The following PRH1 variants were observed in gnomAD, a reference collection of about 807,000 sequenced individuals.
The protein encoded by PRH1 is proline rich protein HaeIII subfamily 1, also known as salivary acidic proline-rich phosphoprotein 1/2.
Under a neutral mutation model 7.9 loss-of-function variants are expected in PRH1, and 7 were observed. The observed-to-expected ratio is 0.89, with a 90% confidence interval of 0.50 to 1.67. PRH1 has a LOEUF of 1.67. Ranked by LOEUF, PRH1 falls within the 40% of genes most tolerant of loss-of-function variation. The pLI is 0.00. For synonymous variants in PRH1, 45 were observed against 80.8 expected, an observed-to-expected ratio of 0.56 and a Z score of 2.38; for missense variants, 109 against 223.6, an observed-to-expected ratio of 0.49 and a Z score of 3.27.
At chr12:10,972,928 A>ACCCCCCCCCCCCCCCCCCCCCCCCC (rs199859766) in intron 2 of PRH1, among the ~76,000 whole-genome samples, 5 of 100,396 alleles carry the variant, frequency 5.0e-5, no homozygotes, top group South Asian at 3.3e-4. Context: ...AAGCACCACA[A>ACCCCCCCCCCCCCCCCCCCCCCCCC]CCCACCCCCC....
At chr12:10,903,019 T>C (rs1422347890) in intron 2 of PRH1, among the ~76,000 whole-genome samples, 1 of 152,112 alleles carries the variant, frequency 6.6e-6, no homozygotes, top group East Asian at 1.9e-4. Flanking sequence ...ATATTAGCCT[T>C]GAATGTAAAT....
intron 1 of PRH1, among the ~76,000 whole-genome samples, chr12:11,014,271 C>T (rs915555041): frequency 3.3e-5 from 5 of 151,738 alleles, no homozygotes; most frequent in African/African-American, 1.2e-4. Context: ...AGTTTAGAGA[C>T]AAAAGAGAAC....
chr12:11,060,324 C>A (rs1943535351), intron 1 of PRH1, among the ~76,000 whole-genome samples: 2 of 151,706 alleles, frequency 1.3e-5, no homozygotes, highest in African/African-American at 4.8e-5. Context: ...TTAACATTTA[C>A]AAAAATTTCA....
chr12:10,936,013 G>A (rs1489341456), intron 2 of PRH1, among the ~76,000 whole-genome samples: 1 of 152,098 alleles, frequency 6.6e-6, no homozygotes, highest in African/African-American at 2.4e-5. Flanking sequence ...TGAAAATGGG[G>A]TAATGGAGTA....
chr12:10,908,947 C>T, intron 2 of PRH1: 1 of 1,613,386 alleles, frequency 6.2e-7, no homozygotes, highest in African/African-American at 1.3e-5. Context: ...TAGAGAAAAG[C>T]AGGGCTAGAG....
rs560808700 is a variant in PRH1 at position 11,163,095 on chromosome 12, G to A, written n.39+8327C>T. On this transcript the variant is annotated intron_variant and non_coding_transcript_variant, in intron 1 of 1. Transcript: ENST00000541175. ...AAAGCTGACTTTAAAAAATGGTTACGTATAGTGTTCACTTCAGCAGCACAT... is the reference window on the plus strand; with the variant it reads ...AAAGCTGACTTTAAAAAATGGTTACATATAGTGTTCACTTCAGCAGCACAT... Among the ~76,000 whole-genome samples, 11 of 152,188 alleles carry A rather than the reference G, an allele frequency of 7.2e-5. No individual in the cohort carries two copies. In the South Asian group the frequency reaches 1.9e-3, roughly 26 times the overall value.
intron 2 of PRH1, among the ~76,000 whole-genome samples, chr12:10,898,913 G>A (rs1342509596): frequency 1.3e-5 from 2 of 152,218 alleles, no homozygotes; most frequent in African/African-American, 4.8e-5. Flanking sequence ...GCGGAGATGA[G>A]AGAGTGAGAC....
chr12:11,142,422 T>C (rs1946726338), intron 1 of PRH1, among the ~76,000 whole-genome samples: 1 of 152,166 alleles, frequency 6.6e-6, no homozygotes, highest in Admixed American at 6.5e-5. Flanking sequence ...TTTGGAGGAT[T>C]ATACTTTCTG....
chr12:11,130,033 C>T (rs918133963), intron 1 of PRH1, among the ~76,000 whole-genome samples: 2 of 152,152 alleles, frequency 1.3e-5, no homozygotes, highest in African/African-American at 4.8e-5. Context: ...CCCCTGCAGT[C>T]CCAGCTGCCA....
chr12:10,922,018 T>C (rs1950052352), intron 2 of PRH1, among the ~76,000 whole-genome samples: 1 of 152,106 alleles, frequency 6.6e-6, no homozygotes, highest in South Asian at 2.1e-4. Context: ...CATCCACCTG[T>C]CTTGACCTCC....
At chr12:10,915,354 T>C (rs1358151908) in intron 2 of PRH1, among the ~76,000 whole-genome samples, 1 of 152,152 alleles carries the variant, frequency 6.6e-6, no homozygotes, top group Non-Finnish European at 1.5e-5. Context: ...TATCTGATAT[T>C]AAATCCAGAG....
chr12:10,888,353 T>C (rs961128386), upstream of PRH1, among the ~76,000 whole-genome samples: 1 of 152,232 alleles, frequency 6.6e-6, no homozygotes, highest in Non-Finnish European at 1.5e-5. Context: ...TTAATCTTCA[T>C]AGAACACACA....
intron 2 of PRH1, chr12:10,939,097 C>A: frequency 1.2e-6 from 2 of 1,613,900 alleles, no homozygotes; most frequent in Non-Finnish European, 1.7e-6. Context: ...TCTTTCTTCC[C>A]TTGACCCAGT....
chr12:10,928,484 G>A (rs1950154388), intron 2 of PRH1, among the ~76,000 whole-genome samples: 1 of 152,142 alleles, frequency 6.6e-6, no homozygotes, highest in African/African-American at 2.4e-5. Context: ...GTTTGTTTAG[G>A]TCTAGAAATT....
At chr12:11,058,704 C>T (rs1403169826) in intron 1 of PRH1, among the ~76,000 whole-genome samples, 1 of 54,218 alleles carries the variant, frequency 1.8e-5, no homozygotes, top group Non-Finnish European at 5.3e-5. Flanking sequence ...ACATAGTGGG[C>T]ATTATAGGAC....
chr12:11,135,333 TC>T lies in PRH1; in HGVS notation n.40-14154del, dbSNP rs1946516868. Among the ~76,000 whole-genome samples, 4 of 152,242 alleles carry T rather than the reference TC, an allele frequency of 2.6e-5. No individual in the cohort carries two copies. The South Asian group carries it at 8.3e-4, about 32-fold the overall frequency. On this transcript the variant is annotated intron_variant and non_coding_transcript_variant, in intron 1 of 1. Coordinates refer to the PRH1 transcript ENST00000541175. ...AGATAGCTTCCATACTGGGTGTTCT[TC>T]CTCTTTCCATTTACTATGAGAATAT...
intron 1 of PRH1, among the ~76,000 whole-genome samples, chr12:11,135,733 G>C (rs1336659920): frequency 6.6e-6 from 1 of 152,118 alleles, no homozygotes; most frequent in Non-Finnish European, 1.5e-5. Context: ...ATTAAGGCTA[G>C]AAGAAATCCT....
In PRH1 at chr12:10,908,755, T is replaced by C; in HGVS notation, c.-58-24480A>G. 6.2e-7 allele frequency: 1 copy of C among 1,613,990 alleles called. No individual in the cohort carries two copies. Among genetic ancestry groups the C allele is most frequent in the Non-Finnish European group, 8.5e-7 (1 of 1,179,932 alleles). On this transcript the variant is annotated intron_variant, in intron 2 of 3. Coordinates refer to the PRH1 transcript ENST00000539853. ...GGTGTTAGACTGAACATAGTCATAGTGAATTTGACCGACACTGAAAATGTT... is the reference window on the plus strand; with the variant it reads ...GGTGTTAGACTGAACATAGTCATAGCGAATTTGACCGACACTGAAAATGTT...
At chr12:11,160,846 C>A (rs1376615466) in intron 1 of PRH1, among the ~76,000 whole-genome samples, 1 of 152,170 alleles carries the variant, frequency 6.6e-6, no homozygotes, top group Admixed American at 6.5e-5. Context: ...CACTTTCAAA[C>A]TACAAAAGTG....
Sources: allele counts gnomAD v4.1 joint callset (sites outside exome capture counted in the v4.1 genomes callset), GRCh38; gene constraint gnomAD v4.1.1; transcripts MANE v1.5; gene names NCBI Gene and HGNC (gene_info 2026-07-23, HGNC 2026-07-21).